The following KMT2C variants were observed in gnomAD, a reference collection of about 807,000 sequenced individuals.
KMT2C encodes histone-lysine N-methyltransferase 2C.
KMT2C carries 88 observed loss-of-function variants against 507.9 expected under a neutral mutation model. The observed-to-expected ratio is 0.17, with a 90% CI of 0.15 to 0.21. KMT2C has a LOEUF of 0.21. KMT2C is among the 10% of genes least tolerant of loss of function. The pLI is 1.00. For missense variants in KMT2C, 4,954 were observed against 5,957.8 expected (o/e 0.83, Z 5.55); for synonymous variants, 2,049 against 2,080.8 (o/e 0.98, Z 0.42).
intron 2 of KMT2C, among the ~76,000 whole-genome samples, chr7:152,353,120 C>G (rs1392876852): frequency 1.3e-5 from 2 of 152,152 alleles, no homozygotes; most frequent in African/African-American, 4.8e-5. Flanking sequence ...ACAGCCACCA[C>G]CAACAAAAGA....
chr7:152,262,435 T>C (rs1017683806), intron 9 of KMT2C, among the ~76,000 whole-genome samples: 1 of 152,056 alleles, frequency 6.6e-6, no homozygotes, highest in Admixed American at 6.5e-5. Context: ...ACTACCCCAC[T>C]GCCCCCAACC....
chr7:152,429,908 G>T (rs1197766535), intron 1 of KMT2C, among the ~76,000 whole-genome samples: 1 of 151,970 alleles, frequency 6.6e-6, no homozygotes, highest in Non-Finnish European at 1.5e-5. Context: ...CGGGCGTGGT[G>T]GCTCACGTCT....
chr7:152,359,321 C>G (rs186971873), intron 1 of KMT2C, among the ~76,000 whole-genome samples: 1 of 148,388 alleles, frequency 6.7e-6, no homozygotes, highest in African/African-American at 2.5e-5. Flanking sequence ...CCTTTAAATT[C>G]TTTGAATTGT....
chr7:152,203,128 GTAAT>G, intron 25 of KMT2C, 64 bp from the exon 26 acceptor site: 1 of 1,351,718 alleles, frequency 7.4e-7, no homozygotes, highest in Non-Finnish European at 1.0e-6. Context: ...CCCACTGAAG[GTAAT>G]TTTATACCTT....
At chr7:152,150,767 G>C (rs560439616) in intron 51 of KMT2C, 133 bp downstream of exon 51, 1 of 654,194 alleles carries the variant, frequency 1.5e-6, no homozygotes, top group Non-Finnish European at 2.7e-6. Context: ...CCTCTGCCGG[G>C]TCAGCACCTG....
intron 23 of KMT2C, 138 bp from the exon 24 acceptor site, chr7:152,207,566 G>A (rs1190955495): frequency 4.3e-5 from 30 of 705,232 alleles, no homozygotes; most frequent in Non-Finnish European, 2.3e-5. Flanking sequence ...AGTATGAAAG[G>A]AGATAGAAGA....
At chr7:152,409,231 G>C (rs75591755) in intron 1 of KMT2C, among the ~76,000 whole-genome samples, 2 of 150,000 alleles carry the variant, frequency 1.3e-5, no homozygotes, top group African/African-American at 4.9e-5. Flanking sequence ...GGTCTTGAAC[G>C]CCTTACCTCG....
intron 13 of KMT2C, 26 bp from the exon 14 acceptor site, chr7:152,248,646 G>A (rs1335205915): frequency 4.1e-6 from 6 of 1,462,870 alleles, no homozygotes; most frequent in Admixed American, 4.0e-5. Context: ...CATTTGTTAT[G>A]GCAATGTACA....
intron 9 of KMT2C, among the ~76,000 whole-genome samples, chr7:152,256,691 T>C (rs1032016885): frequency 9.2e-5 from 14 of 152,182 alleles, no homozygotes; most frequent in African/African-American, 2.7e-4. Context: ...AAATCTTCAA[T>C]AACAGGCAAA....
chr7:152,220,076 C>A (rs1190551954), intron 23 of KMT2C: 4 of 158,610 alleles, frequency 2.5e-5, no homozygotes, highest in Admixed American at 1.2e-4. Context: ...TGTTTATAAA[C>A]CAATACTTTA....
intron 2 of KMT2C, among the ~76,000 whole-genome samples, chr7:152,348,816 AG>A (rs2097086435): frequency 6.6e-6 from 1 of 152,178 alleles, no homozygotes; most frequent in African/African-American, 2.4e-5. Context: ...ACCAAATGTC[AG>A]TAAGTACACA....
chr7:152,139,821 T>G (rs1425380523), intron 55 of KMT2C, 30 bp from the exon 56 acceptor site: 8 of 1,467,206 alleles, frequency 5.5e-6, no homozygotes, highest in Non-Finnish European at 6.7e-6. Context: ...TACTTCCAAT[T>G]TATGTGACAA....
At chr7:152,137,601 A>C (rs1038091599) in intron 58 of KMT2C, 1 of 152,250 alleles carries the variant, frequency 6.6e-6, no homozygotes, top group African/African-American at 2.4e-5. Flanking sequence ...CTACACAGAA[A>C]GGAAGGAAAC....
chr7:152,287,959 G>A (rs2096333464), intron 6 of KMT2C, among the ~76,000 whole-genome samples: 1 of 147,898 alleles, frequency 6.8e-6, no homozygotes, highest in Non-Finnish European at 1.5e-5. Context: ...AGGAAGCAGA[G>A]GTTGCAGTGA....
In KMT2C at chr7:152,151,021, A is replaced by T. The variant is rs770034413; in HGVS notation, c.12667-14T>A. On this transcript the variant is annotated splice_polypyrimidine_tract_variant and intron_variant, in intron 50 of 58. Transcript: ENST00000262189. ...TTCTCGGGAATCCTGAAAAGCAAAGAGAAATGTGTGGGAATCTCAACAAGT... is the reference window on the plus strand; with the variant it reads ...TTCTCGGGAATCCTGAAAAGCAAAGTGAAATGTGTGGGAATCTCAACAAGT... 6.6e-7 allele frequency: 1 copy of T among 1,509,212 alleles called. No homozygotes were observed. Among genetic ancestry groups the T allele is most frequent in the East Asian group, 2.3e-5 (1 of 44,292 alleles). The allele number at this position is 1,509,212 out of a possible 1,614,324, so 93.5% of individuals were successfully genotyped here.
intron 23 of KMT2C, among the ~76,000 whole-genome samples, chr7:152,215,462 A>T (rs1209777616): frequency 8.1e-5 from 12 of 147,626 alleles, no homozygotes; most frequent in Admixed American, 7.4e-4. Flanking sequence ...TGCAGTGAGC[A>T]AAGATCGTGC....
chr7:152,301,076 T>C (rs991316421), intron 6 of KMT2C, among the ~76,000 whole-genome samples: 38 of 147,752 alleles, frequency 2.6e-4, no homozygotes, highest in African/African-American at 8.0e-4. Context: ...AAAAAAACTA[T>C]AAAGGGCTGG....
intron 4 of KMT2C, among the ~76,000 whole-genome samples, chr7:152,312,577 G>A (rs1454183443): frequency 6.6e-6 from 1 of 152,128 alleles, no homozygotes; most frequent in African/African-American, 2.4e-5. Context: ...CAAATTGGAA[G>A]TAAAAAGCAA....
chr7:152,244,671 C>T (rs1419235335), intron 14 of KMT2C, among the ~76,000 whole-genome samples: 1 of 152,152 alleles, frequency 6.6e-6, no homozygotes, highest in African/African-American at 2.4e-5. Context: ...ACTTCTCCTA[C>T]CTTATCATGT....
Sources: gnomAD v4.1 joint callset for allele counts (sites outside exome capture counted in the v4.1 genomes callset) on GRCh38, gnomAD v4.1.1 for gene constraint, MANE v1.5 for transcripts, NCBI Gene and HGNC (gene_info 2026-07-23, HGNC 2026-07-21) for gene names.